Variants in POTEB3 observed in about 807,000 individuals in gnomAD.
The protein encoded by POTEB3 is POTE ankyrin domain family member B3.
In POTEB3, 5 loss-of-function variants were observed where a neutral mutation model predicts 39.8. The ratio of observed to expected loss-of-function variants is 0.13; its 90% confidence interval spans 0.07 to 0.26. POTEB3 has a LOEUF of 0.26. POTEB3 is among the 10% of genes least tolerant of loss of function. POTEB3 has a pLI of 1.00. For synonymous variants in POTEB3, 5 were observed against 161.5 expected (o/e 0.03, Z 7.35); for missense variants, 24 against 475.6 (o/e 0.05, Z 8.83).
chr15:21,434,059 AC>A (rs1400988731), intron 3 of POTEB3, among the ~76,000 whole-genome samples: 1,538 of 102,316 alleles, frequency 0.015, 43 homozygotes, highest in African/African-American at 0.073. Context: ...ACACACACAC[AC>A]ACACAAACAA....
In POTEB3 at chr15:21,407,495, C is replaced by A. The variant is rs201447490; in HGVS notation, c.*1488G>T. ...TGGAGAGGTAATGTGCAGGCTGGTA[C>A]GTGGCTGTAGAGGTCACCTTGCTGC... On this transcript the variant is annotated 3_prime_UTR_variant, in exon 11 of 11. Transcript: ENST00000611217. 1.1e-5 allele frequency among the ~76,000 whole-genome samples: 1 copy of A among 88,658 alleles called. No individual in the cohort carries two copies. The highest frequency in any genetic ancestry group is 9.6e-5 in the Admixed American group (1 of 10,466). 58.2% of individuals were successfully genotyped at this position (88,658 alleles called of 152,430 possible).
chr15:21,425,442 TC>T (rs1211471507), intron 6 of POTEB3, among the ~76,000 whole-genome samples: 3 of 111,336 alleles, frequency 2.7e-5, no homozygotes, highest in African/African-American at 1.1e-4. Flanking sequence ...ATCTTGTAAC[TC>T]CCCTGCTCAA....
intron 6 of POTEB3, among the ~76,000 whole-genome samples, chr15:21,422,959 G>T (rs1490003061): frequency 6.9e-6 from 1 of 144,748 alleles, no homozygotes; most frequent in South Asian, 2.2e-4. Context: ...TGACCCACTG[G>T]GTCTCTCCTG....
chr15:21,410,624 TGAAGGTCACTACTC>T (rs1898302080), intron 10 of POTEB3, among the ~76,000 whole-genome samples: 1 of 75,226 alleles, frequency 1.3e-5, no homozygotes, highest in Non-Finnish European at 2.4e-5. Context: ...GAGGCCATTG[TGAAGGTCACTACTC>T]GACTGTTGCA....
intron 10 of POTEB3, 131 bp downstream of exon 10, chr15:21,410,747 A>G: frequency 2.6e-5 from 15 of 580,266 alleles, no homozygotes; most frequent in Non-Finnish European, 3.6e-5. Flanking sequence ...GTGTGTGTAT[A>G]TATACACACA....
At chr15:21,409,937 C>A (rs1210583759) in intron 10 of POTEB3, among the ~76,000 whole-genome samples, 1 of 98,596 alleles carries the variant, frequency 1.0e-5, no homozygotes, top group Non-Finnish European at 1.9e-5. Flanking sequence ...TGTGCCATTG[C>A]ACTCCAGCGT....
At chr15:21,419,405 T>A (rs1392220404) in intron 9 of POTEB3, 59 bp downstream of exon 9, 1 of 617,628 alleles carries the variant, frequency 1.6e-6, no homozygotes, top group East Asian at 4.2e-5. Flanking sequence ...AATTTGTTCA[T>A]CATGAAAGCC....
In POTEB3 at chr15:21,413,528, A is replaced by ATATATC; in HGVS notation, c.1410-2528_1410-2527insGATATA. On this transcript the variant is annotated intron_variant, in intron 9 of 10. Transcript: ENST00000611217. ...AAATTATATATATATATATATATAT[A>ATATATC]TATATATATATATATATATATATAT... Among the ~76,000 whole-genome samples, 2 of 22,002 alleles carry ATATATC rather than the reference A, an allele frequency of 9.1e-5. 1 individual carries two copies. Among genetic ancestry groups the ATATATC allele is most frequent in the Admixed American group, 6.8e-4 (2 of 2,932 alleles). 14.4% of individuals were successfully genotyped at this position (22,002 alleles called of 152,430 possible). A position where few individuals can be genotyped will look rare whatever the true frequency, so the allele number is the denominator to read the frequency against.
chr15:21,422,722 T>C (rs1305619485), intron 6 of POTEB3, among the ~76,000 whole-genome samples: 2 of 151,032 alleles, frequency 1.3e-5, no homozygotes, highest in Admixed American at 6.6e-5. Flanking sequence ...CATTTATTCA[T>C]AGCTATTTTT....
intron 10 of POTEB3, among the ~76,000 whole-genome samples, chr15:21,409,860 C>A (rs1432552671): frequency 3.8e-5 from 4 of 106,118 alleles, no homozygotes; most frequent in Non-Finnish European, 7.3e-5. Flanking sequence ...GTAATCCCAG[C>A]ACTTCAGGAG....
At chr15:21,430,874 C>T (rs1396289728) in intron 4 of POTEB3, among the ~76,000 whole-genome samples, 1 of 151,888 alleles carries the variant, frequency 6.6e-6, no homozygotes, top group Non-Finnish European at 1.5e-5. Context: ...TGCCAATAAG[C>T]ATGTGCTACG....
chr15:21,419,859 T>C (rs1225604130), intron 8 of POTEB3, among the ~76,000 whole-genome samples: 2 of 140,364 alleles, frequency 1.4e-5, no homozygotes, highest in South Asian at 2.2e-4. Context: ...TTCCAGCTGT[T>C]TGACTGAATA....
At chr15:21,411,481 TA>T (rs1898317704) in intron 9 of POTEB3, among the ~76,000 whole-genome samples, 1 of 50,292 alleles carries the variant, frequency 2.0e-5, no homozygotes, top group Non-Finnish European at 3.6e-5. Context: ...GTCACACTCT[TA>T]TGAGAATCTA....
At position 21,409,928 on chromosome 15, in the gene POTEB3, G is replaced by C. The variant is rs1190720711; in HGVS notation, c.1534-733C>G. On this transcript the variant is annotated intron_variant, in intron 10 of 10. Coordinates refer to ENST00000611217, the MANE Select transcript of POTEB3 (RefSeq NM_207355.5). Reference sequence around the variant, plus strand: ...GCAGAGGTTGCAGTGAACTGAGTTTGTGCCATTGCACTCCAGCGTGGGTGA... The same window carrying C: ...GCAGAGGTTGCAGTGAACTGAGTTTCTGCCATTGCACTCCAGCGTGGGTGA... Among the ~76,000 whole-genome samples, 32 of 101,398 alleles carry C rather than the reference G, an allele frequency of 3.2e-4. 8 individuals are homozygous for C. The highest frequency in any genetic ancestry group is 5.2e-4 in the Non-Finnish European group (28 of 53,678). 66.5% of individuals were successfully genotyped at this position (101,398 alleles called of 152,430 possible). A position where few individuals can be genotyped will look rare whatever the true frequency, so the allele number is the denominator to read the frequency against.
intron 8 of POTEB3, among the ~76,000 whole-genome samples, chr15:21,419,934 C>T (rs1232511484): frequency 8.1e-6 from 1 of 122,964 alleles, no homozygotes; most frequent in Non-Finnish European, 1.7e-5. Flanking sequence ...CCCAAAAACT[C>T]TTCAGAATCT....
chr15:21,433,968 C>A (rs1206346314), intron 3 of POTEB3, among the ~76,000 whole-genome samples: 1 of 148,012 alleles, frequency 6.8e-6, no homozygotes, highest in Non-Finnish European at 1.5e-5. Flanking sequence ...CTGTCATTCT[C>A]TAAAATGGAA....
rs1252729130 is a variant in POTEB3, at chr15:21,407,517, C to A, written c.*1466G>T. On this transcript the variant is annotated 3_prime_UTR_variant, in exon 11 of 11. Transcript: ENST00000611217. ...GTACGTGGCTGTAGAGGTCACCTTG[C>A]TGCAGCTCTCCACTGATCAGCCACG... Among the ~76,000 whole-genome samples, 6,486 of 74,194 alleles carry A rather than the reference C, an allele frequency of 0.087. 387 individuals carry two copies. The highest frequency in any genetic ancestry group is 0.24 in the East Asian group (602 of 2,550). 48.7% of individuals were successfully genotyped at this position (74,194 alleles called of 152,430 possible). A position where few individuals can be genotyped will look rare whatever the true frequency, so the allele number is the denominator to read the frequency against.
intron 4 of POTEB3, among the ~76,000 whole-genome samples, chr15:21,431,047 T>A (rs1426013547): frequency 6.7e-6 from 1 of 149,596 alleles, no homozygotes; most frequent in Non-Finnish European, 1.5e-5. Context: ...CCCAGTCTTG[T>A]GTGAATCCAA....
intron 9 of POTEB3, among the ~76,000 whole-genome samples, 178 bp downstream of exon 9, chr15:21,419,286 C>T (rs1213694041): frequency 1.2e-4 from 1 of 8,288 alleles, no homozygotes; most frequent in Admixed American, 1.2e-3. Context: ...TTGCCAATGC[C>T]GGTTATTTTT....
Sources: allele counts gnomAD v4.1 joint callset (sites outside exome capture counted in the v4.1 genomes callset), GRCh38; gene constraint gnomAD v4.1.1; transcripts MANE v1.5; gene names NCBI Gene and HGNC (gene_info 2026-07-23, HGNC 2026-07-21).